RPS6: variants seen among roughly 807,000 people sequenced by gnomAD.
The protein encoded by RPS6 is ribosomal protein S6.
Under a neutral mutation model 27.1 loss-of-function variants are expected in RPS6, and 1 was observed. The observed-to-expected ratio is 0.04, with a 90% CI of 0.01 to 0.18. The LOEUF (loss-of-function observed/expected upper bound fraction) is 0.18. Ranked by LOEUF, RPS6 falls within the 10% of genes least tolerant of loss-of-function variation. RPS6 has a pLI of 1.00. For synonymous variants in RPS6, 152 were observed against 106.0 expected (o/e 1.43, Z -2.66); for missense variants, 259 against 319.1 (o/e 0.81, Z 1.44).
chr9:19,376,116 G>T lies in RPS6; in HGVS notation c.*177C>A. Reference sequence around the variant, plus strand: ...AAAGGAACCCCTGTACACTGACCTTGTCTTCCACTACCACACACAATAGGT... The same window carrying T: ...AAAGGAACCCCTGTACACTGACCTTTTCTTCCACTACCACACACAATAGGT... On this transcript the variant is annotated 3_prime_UTR_variant, in exon 6 of 6. Transcript: ENST00000380394. The T allele has an allele frequency of 1.7e-6, 1 of 593,468 alleles. No individual in the cohort carries two copies. The highest frequency in any genetic ancestry group is 2.9e-6 in the Non-Finnish European group (1 of 343,410). The allele number at this position is 593,468 out of a possible 1,614,324, so 36.8% of individuals were successfully genotyped here. A position where few individuals can be genotyped will look rare whatever the true frequency, so the allele number is the denominator to read the frequency against.
chr9:19,376,950 ATAGT>A (rs1359213927), intron 4 of RPS6: 12 of 223,230 alleles, frequency 5.4e-5, no homozygotes, highest in Admixed American at 1.0e-4. Flanking sequence ...ATAACTGTGC[ATAGT>A]TAATTTGTCT....
In RPS6 at chr9:19,379,578, A is replaced by G. The variant is rs138427545; in HGVS notation, c.47T>C (p.Ile16Thr). Reference protein sequence around the residue: ...SFPATGCQKLIEVDDERKLRT... With the variant: ...SFPATGCQKLTEVDDERKLRT... ...AAGTTTGCGTTCATCGTCCACTTCA[A>G]TGAGTTTCTGGCAGCCAGTGGCTGG... Residue 16 changes from isoleucine to threonine, a missense_variant, in exon 2 of 6, where the codon ATT (isoleucine) becomes ACT (threonine). This residue lies in a region of RPS6 where 65 missense variants were observed against 66.6 expected (regional missense o/e 0.98). Coordinates refer to ENST00000380394, the MANE Select transcript of RPS6 (RefSeq NM_001010.3). 6.2e-7 allele frequency: 1 copy of G among 1,614,190 alleles called. No homozygotes were observed. Among genetic ancestry groups the G allele is most frequent in the Non-Finnish European group, 8.5e-7 (1 of 1,180,024 alleles).
intron 4 of RPS6, 78 bp from the exon 5 acceptor site, chr9:19,376,729 AACGTAAGCT>A: frequency 1.4e-6 from 2 of 1,418,964 alleles, no homozygotes; most frequent in Non-Finnish European, 1.9e-6. Context: ...ATCAGAAATA[AACGTAAGCT>A]TAACAGCATC....
chr9:19,378,614 T>C (rs920422408), intron 3 of RPS6, 94 bp downstream of exon 3: 7 of 1,570,674 alleles, frequency 4.5e-6, no homozygotes, highest in Admixed American at 1.7e-5. Context: ...AACAAATCCA[T>C]TGGTCTGTAA....
At position 19,376,006 on chromosome 9, in the gene RPS6, CTCA is replaced by C. The variant is rs1829573146; in HGVS notation, c.*284_*286del. 3.7e-6 allele frequency: 1 copy of C among 271,830 alleles called. No individual in the cohort carries two copies. Among genetic ancestry groups the C allele is most frequent in the Non-Finnish European group, 7.0e-6 (1 of 143,658 alleles). The allele number at this position is 271,830 out of a possible 1,614,324, so 16.8% of individuals were successfully genotyped here. A position where few individuals can be genotyped will look rare whatever the true frequency, so the allele number is the denominator to read the frequency against. On this transcript the variant is annotated 3_prime_UTR_variant, in exon 6 of 6. Transcript: ENST00000380394. The stretch of plus-strand genomic sequence containing the variant: ...AACTATATAAAAAAGATTAATAGTC[CTCA>C]TCATTTCCCCTAAGTTCCATGCCAT...
chr9:19,377,636 C>A (rs1408787218), intron 4 of RPS6, among the ~76,000 whole-genome samples: 1 of 152,122 alleles, frequency 6.6e-6, no homozygotes, highest in Non-Finnish European at 1.5e-5. Flanking sequence ...ACATAAATAT[C>A]CCCAAATTTC....
chr9:19,376,140 G>C lies in RPS6; in HGVS notation c.*153C>G. The C allele has an allele frequency of 1.5e-6, 1 of 666,336 alleles. No homozygotes were observed. Among genetic ancestry groups the C allele is most frequent in the Non-Finnish European group, 2.5e-6 (1 of 395,588 alleles). The allele number at this position is 666,336 out of a possible 1,614,324, so 41.3% of individuals were successfully genotyped here. Reference sequence around the variant, plus strand: ...TGTCTTCCACTACCACACACAATAGGTCTGACTTTATCCACCATTGGAATA... The same window carrying C: ...TGTCTTCCACTACCACACACAATAGCTCTGACTTTATCCACCATTGGAATA... On this transcript the variant is annotated 3_prime_UTR_variant, in exon 6 of 6. Transcript: ENST00000380394.
Position 19,376,486 on chromosome 9 carries a change from A to G in RPS6, c.654+8T>C. 6.2e-7 allele frequency: 1 copy of G among 1,613,792 alleles called. No individual in the cohort carries two copies. The highest frequency in any genetic ancestry group is 1.1e-5 in the South Asian group (1 of 91,022). On this transcript the variant is annotated splice_region_variant and intron_variant, in intron 5 of 5. Coordinates refer to ENST00000380394, the MANE Select transcript of RPS6 (RefSeq NM_001010.3). ...TCCTCCCACCCCCTCAAATCATCTT[A>G]GACTAACCTTCATTCTCTTGGCCAA...
Position 19,378,656 on chromosome 9 carries a change from A to G in RPS6, c.349+52T>C. On this transcript the variant is annotated intron_variant, in intron 3 of 5. Transcript: ENST00000380394. ...ATACTGCAAATGAATAAGCATTTGGACAACTGGCTTTAAATCAATTTCAAC... is the reference window on the plus strand; with the variant it reads ...ATACTGCAAATGAATAAGCATTTGGGCAACTGGCTTTAAATCAATTTCAAC... The G allele has an allele frequency of 1.9e-6, 3 of 1,598,784 alleles. No homozygotes were observed. The South Asian group carries it at 3.3e-5, about 18-fold the overall frequency.
intron 4 of RPS6, among the ~76,000 whole-genome samples, chr9:19,378,138 T>C (rs1829620898): frequency 6.6e-6 from 1 of 152,178 alleles, no homozygotes; most frequent in Non-Finnish European, 1.5e-5. Flanking sequence ...ACATCAAAGA[T>C]TCACAAGCAG....
chr9:19,376,711 T>C (rs370949142), intron 4 of RPS6, 60 bp from the exon 5 acceptor site: 8 of 1,510,424 alleles, frequency 5.3e-6, no homozygotes, highest in African/African-American at 4.2e-5. Context: ...CACATCTACT[T>C]TAAAAACATC....
At position 19,376,239 on chromosome 9, in the gene RPS6, G is replaced by A. The variant is rs1589011865; in HGVS notation, c.*54C>T. 25 of 1,443,416 alleles carry A rather than the reference G, an allele frequency of 1.7e-5. No homozygotes were observed. The South Asian group carries it at 2.8e-4, about 16-fold the overall frequency. The allele number at this position is 1,443,416 out of a possible 1,614,324, so 89.4% of individuals were successfully genotyped here. ...ATTTATGTAGTTTTCTATCAGCAATGAAAAGTCAACAGAGATCAGAGTCTG... is the reference window on the plus strand; with the variant it reads ...ATTTATGTAGTTTTCTATCAGCAATAAAAAGTCAACAGAGATCAGAGTCTG... On this transcript the variant is annotated 3_prime_UTR_variant, in exon 6 of 6. Coordinates refer to ENST00000380394, the MANE Select transcript of RPS6 (RefSeq NM_001010.3).
chr9:19,380,183 C>G lies in RPS6; in HGVS notation c.6+7G>C, dbSNP rs756983352. ...AACCCAGTCTAACACTCGCCACCAT[C>G]ACCTACCTTCATCTTGAAGCAGCTG... is the stretch of plus-strand genomic sequence containing the variant. On this transcript the variant is annotated splice_region_variant and intron_variant, in intron 1 of 5. Transcript: ENST00000380394. 7 of 1,614,046 alleles carry G rather than the reference C, an allele frequency of 4.3e-6. No individual in the cohort carries two copies. The highest frequency in any genetic ancestry group is 3.3e-5 in the Admixed American group (2 of 60,010).
intron 3 of RPS6, 38 bp from the exon 4 acceptor site, chr9:19,378,552 C>T: frequency 6.2e-7 from 1 of 1,603,540 alleles, no homozygotes; most frequent in Non-Finnish European, 8.5e-7. Context: ...AATTCAACAA[C>T]TTCCTTAAGA....
intron 4 of RPS6, 93 bp downstream of exon 4, chr9:19,378,275 T>C: frequency 2.3e-6 from 3 of 1,313,086 alleles, no homozygotes; most frequent in Non-Finnish European, 3.2e-6. Context: ...TGCTAAGGCC[T>C]TCCAAAGGCA....
intron 2 of RPS6, 101 bp downstream of exon 2, chr9:19,379,386 A>G: frequency 1.9e-6 from 3 of 1,564,520 alleles, no homozygotes; most frequent in Non-Finnish European, 2.6e-6. Flanking sequence ...ACCAAAGGTC[A>G]GAAGCCAGAA....
rs577981728 is a variant in RPS6 at position 19,376,749 on chromosome 9, T to G, written c.497-98A>C. The G allele has an allele frequency of 1.3e-4, 161 of 1,208,760 alleles. 1 individual carries two copies. In the East Asian group the frequency reaches 3.8e-3, roughly 29 times the overall value. The allele number at this position is 1,208,760 out of a possible 1,614,324, so 74.9% of individuals were successfully genotyped here. Reference sequence around the variant, plus strand: ...AAATAAACGTAAGCTTAACAGCATCTATGAAAACCTATAATGAGGCCTTTA... The same window carrying G: ...AAATAAACGTAAGCTTAACAGCATCGATGAAAACCTATAATGAGGCCTTTA... On this transcript the variant is annotated intron_variant, in intron 4 of 5. Coordinates refer to ENST00000380394, the MANE Select transcript of RPS6 (RefSeq NM_001010.3).
chr9:19,379,262 T>C (rs1301507918), intron 2 of RPS6: 4 of 1,439,620 alleles, frequency 2.8e-6, no homozygotes, highest in South Asian at 2.9e-5. Context: ...AAATGCATGA[T>C]GCAGGGCAAG....
At chr9:19,379,739 T>C in intron 1 of RPS6, 121 bp from the exon 2 acceptor site, 1 of 1,505,232 alleles carries the variant, frequency 6.6e-7, no homozygotes, top group South Asian at 1.4e-5. Context: ...AAGCAGGAAA[T>C]ATAAGATGCC....
Sources: allele counts gnomAD v4.1 joint callset (sites outside exome capture counted in the v4.1 genomes callset), GRCh38; gene constraint gnomAD v4.1.1; regional missense constraint gnomAD v4.1.1; transcripts MANE v1.5; gene names NCBI Gene and HGNC (gene_info 2026-07-23, HGNC 2026-07-21).